The following EXOC3L4 variants were observed in gnomAD, a reference collection of about 807,000 sequenced individuals.
The protein encoded by EXOC3L4 is exocyst complex component 3-like protein 4.
EXOC3L4 carries 62 observed loss-of-function variants against 69.7 expected under a neutral mutation model. That is an observed-to-expected ratio of 0.89 (90% CI 0.72 to 1.10). The LOEUF (loss-of-function observed/expected upper bound fraction) is 1.10, where lower values mean the gene tolerates loss of function less well. Among genes scored for constraint, EXOC3L4 ranks in the 50% least tolerant of loss-of-function variants. EXOC3L4 has a pLI of 0.00. For synonymous variants in EXOC3L4, 502 were observed against 464.2 expected (o/e 1.08, Z -1.05); for missense variants, 1,087 against 1,034.8 (o/e 1.05, Z -0.69).
chr14:103,104,522 GGGGGAAATC>G, intron 5 of EXOC3L4, 133 bp downstream of exon 5: 1 of 1,355,966 alleles, frequency 7.4e-7, no homozygotes, highest in Non-Finnish European at 9.6e-7. Context: ...GCCCCACGCG[GGGGGAAATC>G]GGGGACCCCC....
At chr14:103,101,829 G>A (rs1278311581) in intron 2 of EXOC3L4, among the ~76,000 whole-genome samples, 2 of 152,258 alleles carry the variant, frequency 1.3e-5, no homozygotes, top group Admixed American at 6.5e-5. Flanking sequence ...CGGCTCAGCC[G>A]GGAGTGGAAG....
intron 1 of EXOC3L4, among the ~76,000 whole-genome samples, chr14:103,095,255 C>G (rs1231639458): frequency 6.6e-6 from 1 of 152,194 alleles, no homozygotes; most frequent in South Asian, 2.1e-4. Context: ...CTGGTTTCCC[C>G]GGGAAAGTGC....
At position 103,106,773 on chromosome 14, in the gene EXOC3L4, G is replaced by T; in HGVS notation, c.1467-12G>T. 1 of 1,545,046 alleles carries T rather than the reference G, an allele frequency of 6.5e-7. No individual in the cohort carries two copies. Among genetic ancestry groups the T allele is most frequent in the African/African-American group, 1.4e-5 (1 of 73,290 alleles). On this transcript the variant is annotated splice_polypyrimidine_tract_variant and intron_variant, in intron 7 of 11. Transcript: ENST00000688303. ...CTTGCCCACCTCATCGCTGGTCCTG[G>T]CCCCTCCCCAGGACCAGTCTTCTCT...
chr14:103,106,586 C>G (rs902662104), intron 7 of EXOC3L4, among the ~76,000 whole-genome samples, 199 bp from the exon 8 acceptor site: 3 of 152,140 alleles, frequency 2.0e-5, no homozygotes, highest in Non-Finnish European at 4.4e-5. Context: ...GTCAGCCACC[C>G]CTGACCCACC....
intron 1 of EXOC3L4, among the ~76,000 whole-genome samples, chr14:103,095,267 G>A (rs1345068646): frequency 6.6e-6 from 1 of 152,186 alleles, no homozygotes; most frequent in Admixed American, 6.5e-5. Context: ...GGAAAGTGCC[G>A]AGTACTAGCC....
chr14:103,102,603 C>A lies in EXOC3L4; in HGVS notation c.880C>A (p.Arg294=), dbSNP rs570284843. The part of the protein sequence containing the change: ...GLVRRDLQKV[R]QEVQPAYAAA... ...GGTTCGCCGCGACCTGCAGAAGGTG[C>A]GGCAGGAGGTGCAGCCCGCGTATGC... is the stretch of plus-strand genomic sequence containing the variant. The change falls in exon 3 of 12, where the codon CGG becomes AGG. Residue 294 remains arginine, a synonymous_variant. Transcript: ENST00000688303. The A allele has an allele frequency of 9.4e-6, 14 of 1,490,592 alleles. No individual in the cohort carries two copies. Among genetic ancestry groups the A allele is most frequent in the Non-Finnish European group, 1.2e-5 (14 of 1,125,108 alleles). 92.3% of individuals were successfully genotyped at this position (1,490,592 alleles called of 1,614,324 possible).
At chr14:103,096,391 T>C (rs563870718) in intron 1 of EXOC3L4, among the ~76,000 whole-genome samples, 3 of 136,986 alleles carry the variant, frequency 2.2e-5, no homozygotes, top group Admixed American at 2.2e-4. Context: ...GTTGACGTTT[T>C]GGCAAGATTC....
chr14:103,103,805 T>C (rs1890363597), intron 3 of EXOC3L4, 136 bp from the exon 4 acceptor site: 5 of 572,060 alleles, frequency 8.7e-6, no homozygotes, highest in Non-Finnish European at 1.2e-5. Context: ...CGCGTGTGTG[T>C]GTGTGTGTGT....
Position 103,110,312 on chromosome 14 carries a change from C to A in EXOC3L4, c.*89C>A. The A allele has an allele frequency of 7.1e-7, 1 of 1,410,940 alleles. No homozygotes were observed. The highest frequency in any genetic ancestry group is 9.6e-7 in the Non-Finnish European group (1 of 1,037,588). The allele number at this position is 1,410,940 out of a possible 1,614,324, so 87.4% of individuals were successfully genotyped here. Reference sequence around the variant, plus strand: ...GGAGCCCAGGGAGTCACTCTGGGCCCTGCCCCCAACTCTGACACTGCAGTT... The same window carrying A: ...GGAGCCCAGGGAGTCACTCTGGGCCATGCCCCCAACTCTGACACTGCAGTT... On this transcript the variant is annotated 3_prime_UTR_variant, in exon 12 of 12. Coordinates refer to ENST00000688303, the MANE Select transcript of EXOC3L4 (RefSeq NM_001077594.2).
chr14:103,102,050 G>C (rs1278422587), intron 2 of EXOC3L4, 68 bp from the exon 3 acceptor site: 2 of 1,478,888 alleles, frequency 1.4e-6, no homozygotes, highest in Non-Finnish European at 1.8e-6. Context: ...GCCGTGGCCT[G>C]CAGGTCTTCG....
chr14:103,107,191 C>T (rs1466239964), intron 8 of EXOC3L4, among the ~76,000 whole-genome samples: 1 of 152,160 alleles, frequency 6.6e-6, no homozygotes. Flanking sequence ...AAGGCTTCTC[C>T]AGGGCATGCC....
chr14:103,107,050 G>A, intron 8 of EXOC3L4, 151 bp downstream of exon 8: 3 of 708,394 alleles, frequency 4.2e-6, no homozygotes, highest in South Asian at 4.0e-5. Flanking sequence ...ACCCAGGTGA[G>A]GTCCCAGCTG....
chr14:103,109,130 G>A (rs1346499064), intron 11 of EXOC3L4, among the ~76,000 whole-genome samples: 3 of 121,646 alleles, frequency 2.5e-5, no homozygotes, highest in African/African-American at 6.5e-5. Flanking sequence ...CCCGTCACCC[G>A]CAGCTGCATC....
chr14:103,110,387 G>A lies in EXOC3L4; in HGVS notation c.*164G>A, dbSNP rs747847581. 1.2e-4 allele frequency: 96 copies of A among 834,356 alleles called. No individual in the cohort carries two copies. The highest frequency in any genetic ancestry group is 3.4e-4 in the Admixed American group (17 of 49,976). The allele number at this position is 834,356 out of a possible 1,614,324, so 51.7% of individuals were successfully genotyped here. On this transcript the variant is annotated 3_prime_UTR_variant, in exon 12 of 12. Coordinates refer to ENST00000688303, the MANE Select transcript of EXOC3L4 (RefSeq NM_001077594.2). Reference sequence around the variant, plus strand: ...AAGCGCAGCTGTCAGGCCAGAAGGAGCAGCCGTGCAGGAGGCATTTCAGGC... The same window carrying A: ...AAGCGCAGCTGTCAGGCCAGAAGGAACAGCCGTGCAGGAGGCATTTCAGGC...
chr14:103,100,839 G>C (rs571661896), intron 2 of EXOC3L4, among the ~76,000 whole-genome samples: 1 of 151,760 alleles, frequency 6.6e-6, no homozygotes, highest in Non-Finnish European at 1.5e-5. Context: ...GGGCTCAAGC[G>C]ATCCTCCCAC....
Position 103,104,746 on chromosome 14 carries a change from C to G in EXOC3L4, c.1293C>G (p.Ala431=). ...PLSMDVHMLV[A]EHVKAAGAIS... ...CGGGGCTTCGCTCGCAGCTCGTGGCCGAGCACGTGAAGGCGGCCGGCGCCA... is the reference window on the plus strand; with the variant it reads ...CGGGGCTTCGCTCGCAGCTCGTGGCGGAGCACGTGAAGGCGGCCGGCGCCA... The change falls in exon 6 of 12, where the codon GCC becomes GCG. Residue 431 remains alanine (A), a synonymous_variant. Transcript: ENST00000688303. 1 of 1,511,044 alleles carries G rather than the reference C, an allele frequency of 6.6e-7. No homozygotes were observed. Among genetic ancestry groups the G allele is most frequent in the Non-Finnish European group, 8.9e-7 (1 of 1,129,492 alleles). 93.6% of individuals were successfully genotyped at this position (1,511,044 alleles called of 1,614,324 possible).
At position 103,110,460 on chromosome 14, in the gene EXOC3L4, A is replaced by G. The variant is rs768720942; in HGVS notation, c.*237A>G. ...GGCCGCAGAGCTCTCAATGCTGCCT[A>G]TCGGGCGGGGGGGGGCCTCCCGCCC... On this transcript the variant is annotated 3_prime_UTR_variant, in exon 12 of 12. Coordinates refer to ENST00000688303, the MANE Select transcript of EXOC3L4 (RefSeq NM_001077594.2). 3.5e-5 allele frequency: 20 copies of G among 577,260 alleles called. No individual in the cohort carries two copies. In the African/African-American group the frequency reaches 7.6e-4, roughly 22 times the overall value. The allele number at this position is 577,260 out of a possible 1,614,324, so 35.8% of individuals were successfully genotyped here.
intron 3 of EXOC3L4, among the ~76,000 whole-genome samples, chr14:103,103,008 G>A (rs1315267463): frequency 1.3e-5 from 2 of 152,224 alleles, no homozygotes; most frequent in Non-Finnish European, 2.9e-5. Flanking sequence ...GTTTCCGCGG[G>A]GAGGTTCCCA....
rs61738465 is a variant in EXOC3L4 at position 103,110,134 on chromosome 14, G to A, written c.2080G>A (p.Ala694Thr). Residue 694 changes from alanine to threonine, a missense_variant, in exon 12 of 12, where the codon GCG (alanine) becomes ACG (threonine). Physicochemically the swap from Ala to Thr is moderately conservative, Grantham distance 58. Coordinates refer to ENST00000688303, the MANE Select transcript of EXOC3L4 (RefSeq NM_001077594.2). Reference protein sequence around the residue: ...TQDLLRAAAGAAGAEAPRGRV... With the variant: ...TQDLLRAAAGTAGAEAPRGRV... ...AGACCTGCTGAGAGCTGCGGCCGGG[G>A]CGGCGGGTGCGGAGGCCCCTCGGGG... The A allele has an allele frequency of 8.2e-4, 1,269 of 1,552,456 alleles. 10 individuals are homozygous for A. The African/African-American group carries it at 0.015, about 19-fold the overall frequency.
Sources: gnomAD v4.1 joint callset for allele counts (sites outside exome capture counted in the v4.1 genomes callset) on GRCh38, gnomAD v4.1.1 for gene constraint, MANE v1.5 for transcripts, NCBI Gene and HGNC (gene_info 2026-07-23, HGNC 2026-07-21) for gene names.